Variants in NEK10 observed in about 807,000 individuals in gnomAD.
NEK10 encodes serine/threonine-protein kinase Nek10.
NEK10 carries 122 observed loss-of-function variants against 159.8 expected under a neutral mutation model. That is an observed-to-expected ratio of 0.76 (90% CI 0.66 to 0.89). The LOEUF (loss-of-function observed/expected upper bound fraction) is 0.89, where lower values mean the gene tolerates loss of function less well. Among genes scored for constraint, NEK10 ranks in the 40% least tolerant of loss-of-function variants. The probability of loss-of-function intolerance (pLI) is 0.00; values close to 1 mark genes in which losing one functional copy is unlikely to be tolerated. For missense variants in NEK10, 1,342 were observed against 1,323.1 expected (o/e 1.01, Z -0.22); for synonymous variants, 466 against 457.1 (o/e 1.02, Z -0.25).
At chr3:27,247,550 A>T (rs1324371534) in intron 23 of NEK10, among the ~76,000 whole-genome samples, 1 of 151,184 alleles carries the variant, frequency 6.6e-6, no homozygotes, top group Non-Finnish European at 1.5e-5. Flanking sequence ...ATTTTATTTT[A>T]TTTTTTTGAG....
chr3:27,322,600 C>A (rs1173649011), intron 5 of NEK10, among the ~76,000 whole-genome samples: 2 of 152,082 alleles, frequency 1.3e-5, no homozygotes, highest in South Asian at 4.2e-4. Context: ...TACGCCATAA[C>A]CAATTGGTAT....
intron 26 of NEK10, among the ~76,000 whole-genome samples, chr3:27,190,062 T>C (rs536093813): frequency 3.3e-5 from 5 of 152,278 alleles, no homozygotes; most frequent in Admixed American, 2.6e-4. Context: ...TATGCTCATT[T>C]ATATGACTGA....
chr3:27,132,440 T>C (rs1942733685), intron 31 of NEK10, among the ~76,000 whole-genome samples: 1 of 152,184 alleles, frequency 6.6e-6, no homozygotes, highest in Admixed American at 6.5e-5. Context: ...TAGTAGTATA[T>C]ATAGTCAGAT....
chr3:27,293,470 T>C, intron 16 of NEK10, 118 bp downstream of exon 16: 1 of 520,284 alleles, frequency 1.9e-6, no homozygotes, highest in Non-Finnish European at 3.4e-6. Flanking sequence ...TGAAGACACA[T>C]GGTTTGCATA....
intron 33 of NEK10, among the ~76,000 whole-genome samples, chr3:27,119,385 T>C (rs1575374929): frequency 1.3e-5 from 2 of 152,288 alleles, no homozygotes; most frequent in African/African-American, 2.4e-5. Flanking sequence ...ATTCTTTAGG[T>C]GAGTTTCAAG....
intron 28 of NEK10, among the ~76,000 whole-genome samples, chr3:27,173,272 T>G (rs777851506): frequency 2.0e-5 from 3 of 152,188 alleles, no homozygotes; most frequent in African/African-American, 4.8e-5. Flanking sequence ...AGTTACCATA[T>G]GCAAATTTAA....
Position 27,110,984 on chromosome 3 carries a change from T to C in NEK10, c.*288A>G. 1 of 290,626 alleles carries C rather than the reference T, an allele frequency of 3.4e-6. No individual in the cohort carries two copies. Among genetic ancestry groups the C allele is most frequent in the Non-Finnish European group, 6.3e-6 (1 of 158,064 alleles). The allele number at this position is 290,626 out of a possible 1,614,324, so 18.0% of individuals were successfully genotyped here. A position where few individuals can be genotyped will look rare whatever the true frequency, so the allele number is the denominator to read the frequency against. ...GTTTTTTTGTTGTTGTTTTTGGGTT[T>C]TCCCCCCACCCTCCAAAAGATGAAT... On this transcript the variant is annotated 3_prime_UTR_variant, in exon 36 of 36. Coordinates refer to ENST00000691995, the MANE Select transcript of NEK10 (RefSeq NM_001394966.1).
intron 16 of NEK10, among the ~76,000 whole-genome samples, chr3:27,292,567 C>T (rs1046085470): frequency 2.0e-5 from 3 of 152,090 alleles, no homozygotes; most frequent in Non-Finnish European, 2.9e-5. Context: ...GGTGTGGTGG[C>T]TCACGCCTGT....
intron 13 of NEK10, among the ~76,000 whole-genome samples, chr3:27,297,785 C>T (rs1252451983): frequency 6.6e-6 from 1 of 152,150 alleles, no homozygotes; most frequent in Non-Finnish European, 1.5e-5. Context: ...AATCCCCAGC[C>T]CTAAGCAGCA....
At chr3:27,203,867 A>T (rs1475184026) in intron 23 of NEK10, among the ~76,000 whole-genome samples, 1 of 152,138 alleles carries the variant, frequency 6.6e-6, no homozygotes, top group South Asian at 2.1e-4. Flanking sequence ...TCAGTTAAGC[A>T]TTTTCATATT....
chr3:27,228,649 G>C (rs964293100), intron 23 of NEK10, among the ~76,000 whole-genome samples: 1 of 152,066 alleles, frequency 6.6e-6, no homozygotes, highest in South Asian at 2.1e-4. Context: ...TCAACCTATA[G>C]ACAGCCTTCC....
intron 35 of NEK10, among the ~76,000 whole-genome samples, chr3:27,115,099 T>C (rs1233119477): frequency 6.6e-6 from 1 of 152,174 alleles, no homozygotes; most frequent in African/African-American, 2.4e-5. Context: ...GCATTAACAC[T>C]TCCTAGGGAA....
At chr3:27,294,108 C>T (rs1433114184) in intron 15 of NEK10, among the ~76,000 whole-genome samples, 1 of 152,198 alleles carries the variant, frequency 6.6e-6, no homozygotes, top group Non-Finnish European at 1.5e-5. Context: ...TGGATTCAAA[C>T]TTGACAAATT....
chr3:27,245,643 C>T (rs1167535803), intron 23 of NEK10, among the ~76,000 whole-genome samples: 1 of 152,152 alleles, frequency 6.6e-6, no homozygotes, highest in Non-Finnish European at 1.5e-5. Flanking sequence ...AATGATCAAG[C>T]AAACCTATAT....
At chr3:27,133,514 C>T (rs1264492619) in intron 31 of NEK10, among the ~76,000 whole-genome samples, 2 of 152,180 alleles carry the variant, frequency 1.3e-5, no homozygotes, top group Non-Finnish European at 2.9e-5. Flanking sequence ...GTGGCTTATG[C>T]CTTTAATCCC....
At chr3:27,167,839 A>G (rs1048946369) in intron 29 of NEK10, among the ~76,000 whole-genome samples, 3 of 152,196 alleles carry the variant, frequency 2.0e-5, no homozygotes, top group African/African-American at 7.2e-5. Flanking sequence ...CAGTTCTAAT[A>G]TTATTCTCCA....
chr3:27,126,574 A>T (rs2125485727), intron 32 of NEK10, among the ~76,000 whole-genome samples: 1 of 152,280 alleles, frequency 6.6e-6, no homozygotes, highest in East Asian at 1.9e-4. Context: ...CAGCAGCAGC[A>T]GCAGCCATCA....
chr3:27,127,307 G>A (rs576456257), intron 32 of NEK10, among the ~76,000 whole-genome samples: 1 of 152,184 alleles, frequency 6.6e-6, no homozygotes, highest in South Asian at 2.1e-4. Context: ...TCCCACCTAA[G>A]AGGTTATTGA....
intron 29 of NEK10, among the ~76,000 whole-genome samples, chr3:27,166,503 A>G (rs1228228865): frequency 6.6e-6 from 1 of 152,212 alleles, no homozygotes; most frequent in Non-Finnish European, 1.5e-5. Flanking sequence ...AAAACCAGAT[A>G]CAGATTATGA....
Sources: gnomAD v4.1 joint callset for allele counts (sites outside exome capture counted in the v4.1 genomes callset) on GRCh38, gnomAD v4.1.1 for gene constraint, MANE v1.5 for transcripts, NCBI Gene and HGNC (gene_info 2026-07-23, HGNC 2026-07-21) for gene names.